The following ZNF735 variants were observed in gnomAD, a reference collection of about 807,000 sequenced individuals.
ZNF735 encodes the protein zinc finger protein 735.
In ZNF735, 11 loss-of-function variants were observed where a neutral mutation model predicts 13.4. That is an observed-to-expected ratio of 0.82 (90% CI 0.52 to 1.36). The LOEUF is 1.36. Ranked by LOEUF, ZNF735 falls within the 40% of genes most tolerant of loss-of-function variation. The probability of loss-of-function intolerance (pLI) is 0.00; values close to 1 mark genes in which losing one functional copy is unlikely to be tolerated. For missense variants in ZNF735, 500 were observed against 484.6 expected (o/e 1.03, Z -0.30); for synonymous variants, 171 against 162.6 (o/e 1.05, Z -0.39).
chr7:64,220,158 G>A, exon 4 of ZNF735: 3 of 1,612,638 alleles, frequency 1.9e-6, no homozygotes, highest in Non-Finnish European at 2.5e-6. Flanking sequence ...CAACTGTAAA[G>A]GCACATAAGA....
intron 3 of ZNF735, among the ~76,000 whole-genome samples, chr7:64,218,911 C>G (rs1435100328): frequency 6.6e-6 from 1 of 152,164 alleles, no homozygotes; most frequent in East Asian, 1.9e-4. Context: ...TCAGTAACCA[C>G]TTTCTACATC....
chr7:64,215,058 C>CT (rs1787404019), intron 3 of ZNF735, among the ~76,000 whole-genome samples: 1 of 146,894 alleles, frequency 6.8e-6, no homozygotes, highest in South Asian at 2.1e-4. Flanking sequence ...TTGTCCATTT[C>CT]TTTTTTCTTT....
At chr7:64,211,898 T>A (rs1294345574) in intron 1 of ZNF735, among the ~76,000 whole-genome samples, 10 of 148,604 alleles carry the variant, frequency 6.7e-5, no homozygotes, top group East Asian at 5.9e-4. Flanking sequence ...AAAATATATA[T>A]ATATATATAT....
rs558098312 is a variant in ZNF735, at chr7:64,219,859, G to A, written c.808G>A (p.Ala270Thr). Residue 270 changes from alanine (A) to threonine (T), a missense_variant, in exon 4 of 4, where the codon GCA becomes ACA. Physicochemically the swap from Ala to Thr is moderately conservative, Grantham distance 58. Coordinates refer to ENST00000429565, the Ensembl canonical transcript of ZNF735. ...AATTCACACTGGAGAGAAACCCTAC[G>A]CATGTGAAGAATGTGGCCAAGCCTT... The A allele has an allele frequency of 7.8e-5, 125 of 1,605,142 alleles. No homozygotes were observed. The highest frequency in any genetic ancestry group is 7.1e-4 in the South Asian group (64 of 90,256).
chr7:64,214,556 C>T (rs1787397847), intron 3 of ZNF735, among the ~76,000 whole-genome samples: 1 of 151,922 alleles, frequency 6.6e-6, no homozygotes, highest in South Asian at 2.1e-4. Flanking sequence ...CTGTACATGC[C>T]ATTCTGTTTT....
chr7:64,219,358 A>C (rs1190409366), exon 4 of ZNF735: 1 of 1,613,754 alleles, frequency 6.2e-7, no homozygotes, highest in Admixed American at 1.7e-5. Context: ...AGAGCAGAGC[A>C]TAAAAGATTC....
chr7:64,217,334 G>A (rs1401091663), intron 3 of ZNF735, among the ~76,000 whole-genome samples: 1 of 152,128 alleles, frequency 6.6e-6, no homozygotes, highest in Admixed American at 6.5e-5. Flanking sequence ...TATACTTCTT[G>A]TACAGTCTAC....
chr7:64,219,048 T>C (rs372580432), intron 3 of ZNF735, among the ~76,000 whole-genome samples: 2 of 152,282 alleles, frequency 1.3e-5, no homozygotes, highest in East Asian at 3.9e-4. Flanking sequence ...CTGTGTTGGG[T>C]AAATGTAGCA....
intron 3 of ZNF735, among the ~76,000 whole-genome samples, chr7:64,216,815 A>G (rs1319167611): frequency 1.3e-5 from 2 of 152,138 alleles, no homozygotes; most frequent in African/African-American, 4.8e-5. Flanking sequence ...TGTGTTCCCA[A>G]GGCTGGTATC....
chr7:64,213,340 G>T, intron 2 of ZNF735, 122 bp downstream of exon 2: 3 of 978,202 alleles, frequency 3.1e-6, no homozygotes, highest in African/African-American at 1.7e-5. Context: ...AAAATCTTGG[G>T]GATTCATTGG....
chr7:64,212,119 A>G (rs1370491514), intron 1 of ZNF735, among the ~76,000 whole-genome samples: 1 of 152,076 alleles, frequency 6.6e-6, no homozygotes, highest in Admixed American at 6.6e-5. Flanking sequence ...CACTTAGGAG[A>G]TTTACTAGCC....
At chr7:64,212,937 C>G (rs998698577) in intron 1 of ZNF735, among the ~76,000 whole-genome samples, 155 bp from the exon 2 acceptor site, 15 of 152,088 alleles carry the variant, frequency 9.9e-5, no homozygotes, top group Admixed American at 3.9e-4. Flanking sequence ...AGAATACTTC[C>G]ATGTTAAAAA....
chr7:64,219,695 G>C, exon 4 of ZNF735: 1 of 1,589,274 alleles, frequency 6.3e-7, no homozygotes, highest in Middle Eastern at 1.7e-4. Flanking sequence ...TCCTACAAAT[G>C]TGAAGAATGT....
intron 1 of ZNF735, 68 bp downstream of exon 1, chr7:64,207,309 A>T: frequency 6.2e-7 from 1 of 1,613,984 alleles, no homozygotes; most frequent in Non-Finnish European, 8.5e-7. Flanking sequence ...AAGTGGCTGC[A>T]GCAGGACCCA....
chr7:64,218,060 TA>T (rs1787443205), intron 3 of ZNF735, among the ~76,000 whole-genome samples: 1 of 152,022 alleles, frequency 6.6e-6, no homozygotes, highest in Admixed American at 6.5e-5. Flanking sequence ...TTTTTCATTA[TA>T]TTATTTGAAG....
chr7:64,219,756 T>C (rs1584216914), exon 4 of ZNF735: 1 of 1,609,534 alleles, frequency 6.2e-7, no homozygotes, highest in East Asian at 2.2e-5. Flanking sequence ...AAAGAATTCT[T>C]ACTGGAGAGA....
intron 1 of ZNF735, among the ~76,000 whole-genome samples, chr7:64,207,931 G>A (rs1166870292): frequency 2.0e-5 from 3 of 151,756 alleles, no homozygotes; most frequent in Non-Finnish European, 4.4e-5. Context: ...AGGTTGCAGT[G>A]AGCCGAGATC....
intron 3 of ZNF735, 69 bp from the exon 4 acceptor site, chr7:64,219,245 A>G (rs1787457149): frequency 6.5e-7 from 1 of 1,535,056 alleles, no homozygotes; most frequent in Non-Finnish European, 8.7e-7. Flanking sequence ...AATTTTATAT[A>G]TTTGATTTGT....
At chr7:64,217,482 AT>A (rs1194905092) in intron 3 of ZNF735, among the ~76,000 whole-genome samples, 2 of 151,570 alleles carry the variant, frequency 1.3e-5, no homozygotes, top group Non-Finnish European at 2.9e-5. Flanking sequence ...TTTTTAATTG[AT>A]TTTTTATTTA....
Sources: gnomAD v4.1 joint callset for allele counts (sites outside exome capture counted in the v4.1 genomes callset) on GRCh38, gnomAD v4.1.1 for gene constraint, MANE v1.5 for transcripts, NCBI Gene and HGNC (gene_info 2026-07-23, HGNC 2026-07-21) for gene names.